Variants in KLF8 observed in about 807,000 individuals in gnomAD.
KLF8 encodes KLF transcription factor 8.
A neutral mutation model predicts 18.2 loss-of-function variants in KLF8; 10 were observed. That is an observed-to-expected ratio of 0.55 (90% CI 0.34 to 0.93). KLF8 has a LOEUF of 0.93. Ranked by LOEUF, KLF8 falls within the 40% of genes least tolerant of loss-of-function variation. The pLI is 0.02. For synonymous variants in KLF8, 109 were observed against 97.3 expected (o/e 1.12, Z -0.71); for missense variants, 264 against 277.9 (o/e 0.95, Z 0.36).
At chrX:55,990,394 T>C in the KLF8 span, among the ~76,000 whole-genome samples, 12 of 112,513 alleles carry the variant, frequency 1.1e-4, no homozygotes, top group African/African-American at 3.9e-4. Context: ...GATTCTGGTA[T>C]GTTGTGTCTT....
the KLF8 span, among the ~76,000 whole-genome samples, chrX:56,082,709 T>A: frequency 1.8e-5 from 2 of 111,799 alleles, no homozygotes; most frequent in African/African-American, 3.2e-5. Flanking sequence ...TTAATGATTT[T>A]TTGAGTGTGT....
At chrX:56,200,945 T>C in the KLF8 span, among the ~76,000 whole-genome samples, 4 of 111,815 alleles carry the variant, frequency 3.6e-5, no homozygotes, top group African/African-American at 1.3e-4. Context: ...GGATGGCCAT[T>C]ACTTTTTAAA....
chrX:55,918,611 C>G, the KLF8 span, among the ~76,000 whole-genome samples: 12 of 112,333 alleles, frequency 1.1e-4, no homozygotes, highest in African/African-American at 3.9e-4. Flanking sequence ...CATCGAAAAC[C>G]TCTAGAAAGA....
At chrX:56,166,423 A>G in the KLF8 span, among the ~76,000 whole-genome samples, 1 of 111,965 alleles carries the variant, frequency 8.9e-6, no homozygotes, top group East Asian at 2.8e-4. Flanking sequence ...ACAAGTATCA[A>G]TGCAGTGAAG....
the KLF8 span, among the ~76,000 whole-genome samples, chrX:55,937,925 A>G: frequency 8.9e-6 from 1 of 112,318 alleles, no homozygotes; most frequent in African/African-American, 3.2e-5. Context: ...GATGGGGAGA[A>G]TGGAACCAAG....
the KLF8 span, among the ~76,000 whole-genome samples, chrX:56,140,221 A>G: frequency 8.9e-6 from 1 of 112,394 alleles, no homozygotes; most frequent in Non-Finnish European, 1.9e-5. Context: ...AACTTAAAAC[A>G]GAGCTACCTT....
chrX:56,145,669 A>G, the KLF8 span, among the ~76,000 whole-genome samples: 1 of 112,433 alleles, frequency 8.9e-6, no homozygotes, highest in Non-Finnish European at 1.9e-5. Flanking sequence ...AATGAACCTT[A>G]AAAACATTGT....
the KLF8 span, among the ~76,000 whole-genome samples, chrX:56,061,094 G>C: frequency 9.0e-6 from 1 of 111,408 alleles, no homozygotes; most frequent in Non-Finnish European, 1.9e-5. Flanking sequence ...TATCTATTTT[G>C]ATGATCTTTT....
the KLF8 span, among the ~76,000 whole-genome samples, chrX:56,020,178 T>C: frequency 9.0e-6 from 1 of 111,517 alleles, no homozygotes; most frequent in Non-Finnish European, 1.9e-5. Flanking sequence ...ATTTTGAACA[T>C]AATGGAAATC....
the KLF8 span, among the ~76,000 whole-genome samples, chrX:55,967,317 A>G: frequency 9.0e-6 from 1 of 111,513 alleles, no homozygotes; most frequent in African/African-American, 3.3e-5. Context: ...GCATTTAATA[A>G]TCAAACTCTC....
chrX:56,104,561 A>G, the KLF8 span, among the ~76,000 whole-genome samples: 1 of 111,065 alleles, frequency 9.0e-6, no homozygotes, highest in East Asian at 2.8e-4. Context: ...CGGTGGTGAT[A>G]TTCCCTTTAT....
chrX:56,034,754 T>TC, the KLF8 span, among the ~76,000 whole-genome samples: 2 of 62,911 alleles, frequency 3.2e-5, no homozygotes, highest in African/African-American at 9.4e-5. Context: ...ATTTCTTTTT[T>TC]TTTTTTTTTT....
chrX:56,058,247 C>A, the KLF8 span, among the ~76,000 whole-genome samples: 1 of 46,413 alleles, frequency 2.2e-5, no homozygotes, highest in Admixed American at 3.1e-4. Context: ...CATATATATA[C>A]GTATATATAC....
chrX:56,116,286 G>A, the KLF8 span, among the ~76,000 whole-genome samples: 1 of 112,516 alleles, frequency 8.9e-6, no homozygotes, highest in East Asian at 2.8e-4. Flanking sequence ...CTGAGAGAAA[G>A]GCTGGATCTG....
chrX:56,155,580 T>C, the KLF8 span, among the ~76,000 whole-genome samples: 1 of 111,428 alleles, frequency 9.0e-6, no homozygotes, highest in African/African-American at 3.3e-5. Flanking sequence ...TTTATGTACA[T>C]GTACCCTAGA....
At chrX:55,951,742 A>G in the KLF8 span, among the ~76,000 whole-genome samples, 4 of 110,484 alleles carry the variant, frequency 3.6e-5, no homozygotes, top group Admixed American at 2.9e-4. Flanking sequence ...AAATATATAT[A>G]TATATAGGAA....
At chrX:56,236,583 A>G (rs1056115432) in intron 1 of KLF8, among the ~76,000 whole-genome samples, 1 of 111,281 alleles carries the variant, frequency 9.0e-6, no homozygotes, top group African/African-American at 3.3e-5. Context: ...CGTGCAAACA[A>G]TTAGCCTACA....
chrX:56,163,022 C>A, the KLF8 span, among the ~76,000 whole-genome samples: 14 of 112,125 alleles, frequency 1.2e-4, no homozygotes, highest in Admixed American at 3.8e-4. Context: ...GATTCTATGT[C>A]TTTGCTATTG....
At chrX:56,049,014 T>C in the KLF8 span, among the ~76,000 whole-genome samples, 1 of 111,786 alleles carries the variant, frequency 8.9e-6, no homozygotes, top group East Asian at 2.8e-4. Flanking sequence ...CTAGGTATTT[T>C]ATTCTTTGAA....
Sources: allele counts gnomAD v4.1 joint callset (sites outside exome capture counted in the v4.1 genomes callset), GRCh38; gene constraint gnomAD v4.1.1; transcripts MANE v1.5; gene names NCBI Gene and HGNC (gene_info 2026-07-23, HGNC 2026-07-21).